OTUD7A: variants seen among roughly 807,000 people sequenced by gnomAD.
The protein encoded by OTUD7A is OTU domain-containing protein 7A.
OTUD7A carries 12 observed loss-of-function variants against 65.7 expected under a neutral mutation model. That is an observed-to-expected ratio of 0.18 (90% CI 0.12 to 0.30). OTUD7A has a LOEUF of 0.30. Among genes scored for constraint, OTUD7A ranks in the 10% least tolerant of loss-of-function variants. The probability of loss-of-function intolerance (pLI) is 1.00; values close to 1 mark genes in which losing one functional copy is unlikely to be tolerated. For synonymous variants in OTUD7A, 641 were observed against 586.3 expected (o/e 1.09, Z -1.35); for missense variants, 1,148 against 1,304.8 (o/e 0.88, Z 1.85).
rs2041965281 is a variant in OTUD7A, at chr15:31,523,427, G to C, written c.893+2922C>G. Among the ~76,000 whole-genome samples the C allele has an allele frequency of 2.0e-5, 3 of 152,216 alleles. No individual in the cohort carries two copies. The South Asian group carries it at 6.2e-4, about 32-fold the overall frequency. ...TTCAGAGCTCTCTGCCAGTTGAGGGGCTGTGTCCTTAGGTCCCTGGGCTGC... is the reference window on the plus strand; with the variant it reads ...TTCAGAGCTCTCTGCCAGTTGAGGGCCTGTGTCCTTAGGTCCCTGGGCTGC... On this transcript the variant is annotated intron_variant, in intron 8 of 12. Coordinates refer to ENST00000307050, the MANE Select transcript of OTUD7A (RefSeq NM_001382637.1).
intron 1 of OTUD7A, among the ~76,000 whole-genome samples, chr15:31,657,727 T>C (rs1338044863): frequency 1.3e-5 from 2 of 152,144 alleles, no homozygotes; most frequent in Non-Finnish European, 2.9e-5. Context: ...TGTCCCATGA[T>C]GATATGGGAG....
At chr15:31,726,145 C>T (rs1188323254) in intron 1 of OTUD7A, among the ~76,000 whole-genome samples, 1 of 151,612 alleles carries the variant, frequency 6.6e-6, no homozygotes, top group Admixed American at 6.6e-5. Context: ...TCTCTGTCTA[C>T]ACTTTCCTCC....
intron 3 of OTUD7A, among the ~76,000 whole-genome samples, chr15:31,653,076 C>T (rs1312408528): frequency 7.2e-5 from 11 of 151,960 alleles, no homozygotes; most frequent in Non-Finnish European, 1.3e-4. Flanking sequence ...TGTTGAAATC[C>T]CGTCTCTACT....
At chr15:31,810,406 A>G (rs918198793) in intron 1 of OTUD7A, among the ~76,000 whole-genome samples, 3 of 152,220 alleles carry the variant, frequency 2.0e-5, no homozygotes, top group African/African-American at 7.2e-5. Context: ...AAATGAGGTC[A>G]TAATGGTGGG....
intron 8 of OTUD7A, among the ~76,000 whole-genome samples, chr15:31,511,954 T>G (rs2041759330): frequency 6.6e-6 from 1 of 151,786 alleles, no homozygotes; most frequent in African/African-American, 2.4e-5. Context: ...TCAGTGGGGA[T>G]TTTTTTTACC....
rs1356848756 is a variant in OTUD7A, at chr15:31,527,313, AGCCAGGAG to A, written c.653-13_653-6del. 6.2e-7 allele frequency: 1 copy of A among 1,613,812 alleles called. No individual in the cohort carries two copies. Reference sequence around the variant, plus strand: ...GGTCGTGAAACCCCCACATTCCTGGAGCCAGGAGGCCAGGGAGAACAGAGGAGAGAAAG... The same window carrying A: ...GGTCGTGAAACCCCCACATTCCTGGAGCCAGGGAGAACAGAGGAGAGAAAG... On this transcript the variant is annotated splice_region_variant and splice_polypyrimidine_tract_variant and intron_variant, in intron 6 of 12. Coordinates refer to ENST00000307050, the MANE Select transcript of OTUD7A (RefSeq NM_001382637.1).
chr15:31,767,988 G>A, intron 1 of OTUD7A: 2 of 1,580,062 alleles, frequency 1.3e-6, no homozygotes, highest in Non-Finnish European at 8.7e-7. Context: ...TTCCTCAACA[G>A]TTGTTGCCTT....
intron 4 of OTUD7A, among the ~76,000 whole-genome samples, chr15:31,562,214 T>G (rs1029183511): frequency 2.0e-5 from 3 of 152,138 alleles, no homozygotes; most frequent in Non-Finnish European, 4.4e-5. Flanking sequence ...GGTGAGCCAA[T>G]GTTAAGAGAT....
At chr15:31,847,655 A>G (rs150748503) in intron 1 of OTUD7A, among the ~76,000 whole-genome samples, 9 of 152,272 alleles carry the variant, frequency 5.9e-5, no homozygotes, top group South Asian at 2.1e-4. Flanking sequence ...ATTACCATGG[A>G]TAAGATTCAC....
chr15:31,814,684 C>A (rs183055706), intron 1 of OTUD7A, among the ~76,000 whole-genome samples: 1 of 151,956 alleles, frequency 6.6e-6, no homozygotes, highest in Non-Finnish European at 1.5e-5. Context: ...CCACCACACC[C>A]GGCTAACTTT....
chr15:31,717,472 T>G (rs1215091647), intron 1 of OTUD7A, among the ~76,000 whole-genome samples: 2 of 152,222 alleles, frequency 1.3e-5, no homozygotes, highest in Admixed American at 6.5e-5. Context: ...CTCCCACTTA[T>G]GAGTGAGAAC....
At chr15:31,767,961 T>C (rs1386085372) in intron 1 of OTUD7A, 10 of 1,560,144 alleles carry the variant, frequency 6.4e-6, no homozygotes, top group African/African-American at 5.4e-5. Flanking sequence ...TCTTCAATTA[T>C]ACGATTCTTA....
At chr15:31,747,441 G>A (rs1894510849) in intron 1 of OTUD7A, among the ~76,000 whole-genome samples, 1 of 152,200 alleles carries the variant, frequency 6.6e-6, no homozygotes. Flanking sequence ...AAGGAAGGAG[G>A]TGTTGAGAGA....
intron 1 of OTUD7A, among the ~76,000 whole-genome samples, chr15:31,824,199 C>G (rs1327595893): frequency 6.6e-6 from 1 of 152,212 alleles, no homozygotes. Context: ...CTGAAGCCTG[C>G]TCCTTATGCC....
chr15:31,609,449 G>A (rs1040644956), intron 3 of OTUD7A, among the ~76,000 whole-genome samples: 4 of 152,052 alleles, frequency 2.6e-5, no homozygotes, highest in African/African-American at 7.2e-5. Flanking sequence ...CTACCGAATT[G>A]CCCCACTTCC....
In OTUD7A at chr15:31,673,007, T is replaced by G. The variant is rs117629160; in HGVS notation, c.-99-15930A>C. Among the ~76,000 whole-genome samples, 125 of 152,296 alleles carry G rather than the reference T, an allele frequency of 8.2e-4. 2 individuals carry two copies. In the East Asian group the frequency reaches 0.02, roughly 25 times the overall value. On this transcript the variant is annotated intron_variant, in intron 1 of 12. Coordinates refer to ENST00000307050, the MANE Select transcript of OTUD7A (RefSeq NM_001382637.1). The stretch of plus-strand genomic sequence containing the variant: ...TGTCATTACAGTCATGGGCTTAGGA[T>G]CCCAAAAAGGTTACAGACTGTTCAT...
At chr15:31,503,632 T>C (rs1249506524) in intron 9 of OTUD7A, 59 bp downstream of exon 9, 9 of 1,608,956 alleles carry the variant, frequency 5.6e-6, no homozygotes, top group Non-Finnish European at 7.7e-6. Context: ...ATCTGCTTTC[T>C]AGCTGGGATG....
intron 3 of OTUD7A, among the ~76,000 whole-genome samples, chr15:31,621,396 G>C (rs1429209831): frequency 1.3e-5 from 2 of 152,118 alleles, no homozygotes; most frequent in Non-Finnish European, 2.9e-5. Flanking sequence ...TATTGTGTGG[G>C]AGTCTAAGTC....
chr15:31,856,055 AAGAAAGGGAACTTTT>A (rs1438302105), intron 1 of OTUD7A, among the ~76,000 whole-genome samples: 1 of 152,230 alleles, frequency 6.6e-6, no homozygotes, highest in East Asian at 1.9e-4. Context: ...TACCCAAACC[AAGAAAGGGAACTTTT>A]AGAAACTTTT....
Sources: gnomAD v4.1 joint callset for allele counts (sites outside exome capture counted in the v4.1 genomes callset) on GRCh38, gnomAD v4.1.1 for gene constraint, MANE v1.5 for transcripts, NCBI Gene and HGNC (gene_info 2026-07-23, HGNC 2026-07-21) for gene names.